CNTN6: variants seen among roughly 807,000 people sequenced by gnomAD.
The protein encoded by CNTN6 is contactin-6.
Under a neutral mutation model 122.8 loss-of-function variants are expected in CNTN6, and 137 were observed. The ratio of observed to expected loss-of-function variants is 1.12; its 90% CI spans 0.97 to 1.29. The LOEUF is 1.29. Ranked by LOEUF, CNTN6 falls within the 50% of genes most tolerant of loss-of-function variation. The probability of loss-of-function intolerance (pLI) is 0.00; values close to 1 mark genes in which losing one functional copy is unlikely to be tolerated. For synonymous variants in CNTN6, 570 were observed against 426.0 expected, an observed-to-expected ratio of 1.34 and a Z score of -4.16; for missense variants, 1,634 against 1,223.4, an observed-to-expected ratio of 1.34 and a Z score of -5.01.
intron 20 of CNTN6, among the ~76,000 whole-genome samples, chr3:1,387,841 G>T (rs1298404221): frequency 2.6e-5 from 4 of 151,788 alleles, no homozygotes; most frequent in African/African-American, 9.7e-5. Flanking sequence ...CCCGAATATT[G>T]CGCTTTTCGG....
intron 4 of CNTN6, among the ~76,000 whole-genome samples, chr3:1,259,049 G>A (rs78338150): frequency 0.021 from 3,123 of 152,262 alleles, 51 homozygotes; most frequent in Admixed American, 0.053. Context: ...AACAGACAGT[G>A]AGTAGGATTT....
intron 20 of CNTN6, among the ~76,000 whole-genome samples, chr3:1,398,672 C>T (rs958550105): frequency 6.6e-6 from 1 of 151,998 alleles, no homozygotes; most frequent in Non-Finnish European, 1.5e-5. Flanking sequence ...AGGAATATTT[C>T]ATATTTTATT....
chr3:1,158,710 C>A (rs535777292), intron 2 of CNTN6, among the ~76,000 whole-genome samples: 1 of 147,980 alleles, frequency 6.8e-6, no homozygotes, highest in Non-Finnish European at 1.5e-5. Flanking sequence ...CTAGCTGAAA[C>A]TACAGGCTCA....
At position 1,385,798 on chromosome 3, in the gene CNTN6, G is replaced by C. The variant is rs148944048; in HGVS notation, c.2704+1G>C. 3.5e-5 allele frequency: 56 copies of C among 1,607,822 alleles called. No individual in the cohort carries two copies. The highest frequency in any genetic ancestry group is 3.2e-4 in the Admixed American group (19 of 58,846). ...GTCAATGTTACCACCAAAAAGTCTC[G>C]TAAGTATGCATACACTCCAGGAAAC... is the stretch of plus-strand genomic sequence containing the variant. On this transcript the variant is annotated splice_donor_variant, in intron 20 of 22. Transcript: ENST00000446702. LOFTEE classifies it high-confidence loss of function.
intron 4 of CNTN6, among the ~76,000 whole-genome samples, chr3:1,245,238 A>ATATATATAT (rs2094552217): frequency 1.3e-4 from 1 of 7,896 alleles, no homozygotes; most frequent in Non-Finnish European, 2.3e-4. Context: ...ATATATATAC[A>ATATATATAT]CACACACATA....
intron 20 of CNTN6, among the ~76,000 whole-genome samples, chr3:1,386,770 C>G (rs186886652): frequency 1.0e-3 from 153 of 152,196 alleles, no homozygotes; most frequent in African/African-American, 3.4e-3. Flanking sequence ...AAGACTAAGA[C>G]AAATTCAGTG....
At chr3:1,262,799 GTAA>G (rs553017731) in intron 4 of CNTN6, among the ~76,000 whole-genome samples, 30 of 151,802 alleles carry the variant, frequency 2.0e-4, no homozygotes, top group African/African-American at 4.3e-4. Context: ...TAAAATATAT[GTAA>G]TAATAATAAA....
chr3:1,207,266 A>T (rs1308675425), intron 2 of CNTN6, among the ~76,000 whole-genome samples: 1 of 152,226 alleles, frequency 6.6e-6, no homozygotes, highest in African/African-American at 2.4e-5. Flanking sequence ...TGAATACCTG[A>T]TACTCATTCA....
At chr3:1,173,854 C>T (rs1003685342) in intron 2 of CNTN6, among the ~76,000 whole-genome samples, 2 of 151,834 alleles carry the variant, frequency 1.3e-5, no homozygotes, top group Non-Finnish European at 2.9e-5. Context: ...TCCTGCACAC[C>T]AGAGCAATGA....
At chr3:1,094,916 T>C (rs934646033) in intron 1 of CNTN6, among the ~76,000 whole-genome samples, 2 of 152,018 alleles carry the variant, frequency 1.3e-5, no homozygotes, top group African/African-American at 4.8e-5. Flanking sequence ...AAGTATAAGT[T>C]CTACCTATTA....
At chr3:1,346,992 G>A (rs1224391206) in intron 11 of CNTN6, among the ~76,000 whole-genome samples, 1 of 152,288 alleles carries the variant, frequency 6.6e-6, no homozygotes, top group South Asian at 2.1e-4. Flanking sequence ...AGATTAAAAT[G>A]TCGCATGTTC....
intron 7 of CNTN6, among the ~76,000 whole-genome samples, chr3:1,312,319 A>AATATAT (rs58013186): frequency 0.011 from 1,660 of 151,390 alleles, 30 homozygotes; most frequent in African/African-American, 0.038. Context: ...ATCCAAGAAG[A>AATATAT]ATATATATAT....
chr3:1,134,169 G>T (rs1352532822), intron 1 of CNTN6, among the ~76,000 whole-genome samples: 1 of 152,184 alleles, frequency 6.6e-6, no homozygotes, highest in Non-Finnish European at 1.5e-5. Context: ...GTTACTTGAA[G>T]TAGTGTTATA....
chr3:1,160,365 T>TATATAC (rs1486849078), intron 2 of CNTN6, among the ~76,000 whole-genome samples: 5 of 133,446 alleles, frequency 3.7e-5, no homozygotes, highest in African/African-American at 1.4e-4. Flanking sequence ...TATATATATA[T>TATATAC]ATACACACTA....
intron 7 of CNTN6, among the ~76,000 whole-genome samples, chr3:1,317,166 G>T (rs1700202165): frequency 6.6e-6 from 1 of 151,296 alleles, no homozygotes; most frequent in Non-Finnish European, 1.5e-5. Context: ...ACAGACTATT[G>T]CCGCAAAATG....
At chr3:1,138,263 A>AAGTCATGC (rs1468864474) in intron 1 of CNTN6, among the ~76,000 whole-genome samples, 1 of 152,186 alleles carries the variant, frequency 6.6e-6, no homozygotes, top group Non-Finnish European at 1.5e-5. Flanking sequence ...AATGCAACCT[A>AAGTCATGC]AGTCATGCCA....
Position 1,372,865 on chromosome 3 carries a change from A to T in CNTN6, c.1696A>T (p.Asn566Tyr), listed in dbSNP as rs1380124651. The part of the protein sequence containing the change: ...GESVGDLMIR[N>Y]IQLHHSGKYL... ...ATCTGTTGGGGATTTGATGATAAGG[A>T]ATATTCAGTTACATCATTCAGGAAA... Residue 566 changes from asparagine to tyrosine, a missense_variant, in exon 14 of 23, where the codon AAT becomes TAT. By Grantham distance (143) the Asn-to-Tyr change is moderately radical. Coordinates refer to ENST00000446702, the MANE Select transcript of CNTN6 (RefSeq NM_001289080.2). 2.5e-6 allele frequency: 4 copies of T among 1,608,254 alleles called. No individual in the cohort carries two copies. The highest frequency in any genetic ancestry group is 3.4e-6 in the Non-Finnish European group (4 of 1,176,272).
chr3:1,103,999 A>T (rs912871906), intron 1 of CNTN6, among the ~76,000 whole-genome samples: 1 of 152,100 alleles, frequency 6.6e-6, no homozygotes, highest in Non-Finnish European at 1.5e-5. Flanking sequence ...ATTCAACAAT[A>T]TATATTAGTA....
chr3:1,109,183 G>C (rs2091362303), intron 1 of CNTN6, among the ~76,000 whole-genome samples: 1 of 152,068 alleles, frequency 6.6e-6, no homozygotes, highest in Non-Finnish European at 1.5e-5. Context: ...GATCCCCGAT[G>C]AGCACTGGGG....
Sources: allele counts gnomAD v4.1 joint callset (sites outside exome capture counted in the v4.1 genomes callset), GRCh38; gene constraint gnomAD v4.1.1; transcripts MANE v1.5; gene names NCBI Gene and HGNC (gene_info 2026-07-23, HGNC 2026-07-21).